Variants in MEX3C observed in about 807,000 individuals in gnomAD.
MEX3C encodes the protein mex-3 RNA binding family member C, also known as RNA-binding E3 ubiquitin-protein ligase MEX3C.
Under a neutral mutation model 35.5 loss-of-function variants are expected in MEX3C, and 15 were observed. That is an observed-to-expected ratio of 0.42 (90% CI 0.28 to 0.65). The LOEUF is 0.65. MEX3C is among the 30% of genes least tolerant of loss of function. MEX3C has a pLI of 0.20. For synonymous variants in MEX3C, 390 were observed against 352.8 expected (o/e 1.11, Z -1.18); for missense variants, 711 against 842.8 (o/e 0.84, Z 1.94).
rs1568231045 is a variant in MEX3C at position 51,176,703 on chromosome 18, CGAG to C, written c.1625_1627del (p.Pro542del). 2 of 1,613,966 alleles carry C rather than the reference CGAG, an allele frequency of 1.2e-6. No individual in the cohort carries two copies. Among genetic ancestry groups the C allele is most frequent in the East Asian group, 2.2e-5 (1 of 44,882 alleles). ...GCTCTCAGGAAATGTAGGAGACAGA[CGAG>C]GAGTAGATGGCTGACTTCCTCTGCG... On this transcript the variant is annotated inframe_deletion, in exon 2 of 2. Transcript: ENST00000406189.
intron 1 of MEX3C, among the ~76,000 whole-genome samples, chr18:51,189,375 G>A (rs1481693357): frequency 2.6e-5 from 4 of 152,134 alleles, no homozygotes; most frequent in Non-Finnish European, 2.9e-5. Flanking sequence ...GAGGAAAACC[G>A]AAGCCTAAAA....
intron 1 of MEX3C, among the ~76,000 whole-genome samples, chr18:51,183,377 G>T (rs907544791): frequency 6.6e-6 from 1 of 152,120 alleles, no homozygotes; most frequent in African/African-American, 2.4e-5. Flanking sequence ...ATAAAGAATT[G>T]AGTTAATATT....
intron 1 of MEX3C, among the ~76,000 whole-genome samples, chr18:51,184,053 T>C (rs1912483777): frequency 6.6e-6 from 1 of 152,026 alleles, no homozygotes; most frequent in Admixed American, 6.6e-5. Flanking sequence ...GTCAGAGAGA[T>C]GTGCTCTGGC....
intron 1 of MEX3C, among the ~76,000 whole-genome samples, chr18:51,187,823 C>T (rs901268560): frequency 6.6e-6 from 1 of 152,144 alleles, no homozygotes; most frequent in Non-Finnish European, 1.5e-5. Context: ...GGTCCCTTTC[C>T]CCTTGGAATA....
intron 1 of MEX3C, among the ~76,000 whole-genome samples, chr18:51,178,860 C>CAAA (rs200287690): frequency 0.019 from 2,162 of 111,472 alleles, 51 homozygotes; most frequent in African/African-American, 0.066. Flanking sequence ...AACTCCATCT[C>CAAA]AAAAAAAAAA....
Position 51,175,646 on chromosome 18 carries a change from T to A in MEX3C, c.*705A>T, listed in dbSNP as rs1228609115. 6.6e-6 allele frequency: 1 copy of A among 152,610 alleles called. No homozygotes were observed. Among genetic ancestry groups the A allele is most frequent in the East Asian group, 1.9e-4 (1 of 5,190 alleles). The allele number at this position is 152,610 out of a possible 1,614,324, so 9.5% of individuals were successfully genotyped here. On this transcript the variant is annotated 3_prime_UTR_variant, in exon 2 of 2. Coordinates refer to ENST00000406189, the MANE Select transcript of MEX3C (RefSeq NM_016626.5). ...TGATATGGGAAAACCCAGGTGGCCATTTCCACATTCACCAAGAGAGGCAAT... is the reference window on the plus strand; with the variant it reads ...TGATATGGGAAAACCCAGGTGGCCAATTCCACATTCACCAAGAGAGGCAAT...
chr18:51,183,810 T>C (rs573254992), intron 1 of MEX3C, among the ~76,000 whole-genome samples: 1 of 152,150 alleles, frequency 6.6e-6, no homozygotes, highest in African/African-American at 2.4e-5. Flanking sequence ...GGACGCTGTT[T>C]CTACAAAAAA....
At chr18:51,184,494 G>A (rs1301394599) in intron 1 of MEX3C, among the ~76,000 whole-genome samples, 3 of 152,154 alleles carry the variant, frequency 2.0e-5, no homozygotes, top group Non-Finnish European at 4.4e-5. Flanking sequence ...AGACTAAAAT[G>A]TTAGATATAT....
intron 1 of MEX3C, among the ~76,000 whole-genome samples, chr18:51,179,440 G>C (rs1021985033): frequency 6.6e-6 from 1 of 152,132 alleles, no homozygotes; most frequent in African/African-American, 2.4e-5. Flanking sequence ...AAACACATGG[G>C]ACCAGGAATG....
At chr18:51,196,251 T>C (rs1912783643) in intron 1 of MEX3C, 3 of 456,494 alleles carry the variant, frequency 6.6e-6, no homozygotes, top group Non-Finnish European at 1.1e-5. Flanking sequence ...GCCCGACCTT[T>C]TACCACCTCA....
chr18:51,176,327 T>A lies in MEX3C; in HGVS notation c.*24A>T. 6.4e-7 allele frequency: 1 copy of A among 1,564,678 alleles called. No homozygotes were observed. The highest frequency in any genetic ancestry group is 8.7e-7 in the Non-Finnish European group (1 of 1,154,548). On this transcript the variant is annotated 3_prime_UTR_variant, in exon 2 of 2. Transcript: ENST00000406189. ...GCCTTTACGAGTCCATATAGAGATA[T>A]AGTATTTATGTATATATATATAGTT...
chr18:51,180,758 C>T (rs537016732), intron 1 of MEX3C, among the ~76,000 whole-genome samples: 7 of 152,324 alleles, frequency 4.6e-5, no homozygotes, highest in East Asian at 1.9e-4. Flanking sequence ...GCTGGGATTA[C>T]GGGCGTGAGC....
intron 1 of MEX3C, chr18:51,193,665 T>C (rs1234650593): frequency 6.6e-6 from 1 of 152,250 alleles, no homozygotes; most frequent in Non-Finnish European, 1.5e-5. Flanking sequence ...TTTTACAGTA[T>C]TGTTGTTTCA....
Position 51,176,144 on chromosome 18 carries a change from A to T in MEX3C, c.*207T>A, listed in dbSNP as rs1912296267. 1.2e-5 allele frequency: 6 copies of T among 520,144 alleles called. No individual in the cohort carries two copies. In the South Asian group the frequency reaches 1.9e-4, roughly 17 times the overall value. The allele number at this position is 520,144 out of a possible 1,614,324, so 32.2% of individuals were successfully genotyped here. On this transcript the variant is annotated 3_prime_UTR_variant, in exon 2 of 2. Transcript: ENST00000406189. ...CTGGGTCTACAGGATAGTACTAATA[A>T]TTCAAACCAAACTAATAGACAAGAG...
intron 1 of MEX3C, chr18:51,195,452 C>A (rs148256875): frequency 2.6e-5 from 4 of 152,224 alleles, no homozygotes; most frequent in African/African-American, 9.6e-5. Flanking sequence ...GTGAAACCAC[C>A]ATTTCGACAG....
intron 1 of MEX3C, among the ~76,000 whole-genome samples, chr18:51,185,892 C>CG (rs1555693775): frequency 2.1e-4 from 31 of 149,638 alleles, no homozygotes; most frequent in Admixed American, 8.7e-4. Flanking sequence ...AGACCCCCCC[C>CG]TCTCTATAAT....
At chr18:51,186,873 G>A (rs1912551243) in intron 1 of MEX3C, among the ~76,000 whole-genome samples, 1 of 152,094 alleles carries the variant, frequency 6.6e-6, no homozygotes, top group Non-Finnish European at 1.5e-5. Flanking sequence ...ACAAATACAA[G>A]GTGACTAAAG....
rs1442790913 is a variant in MEX3C at position 51,175,599 on chromosome 18, G to C, written c.*752C>G. The stretch of plus-strand genomic sequence containing the variant: ...GCATCCTCAATTATCAGCCAATATA[G>C]GTGCCATCCCAAAGCCCTTCCTGAT... On this transcript the variant is annotated 3_prime_UTR_variant, in exon 2 of 2. Transcript: ENST00000406189. 6.6e-6 allele frequency: 1 copy of C among 152,542 alleles called. No individual in the cohort carries two copies. Among genetic ancestry groups the C allele is most frequent in the African/African-American group, 2.4e-5 (1 of 41,412 alleles). The allele number at this position is 152,542 out of a possible 1,614,324, so 9.4% of individuals were successfully genotyped here.
chr18:51,180,155 A>C (rs1039660313), intron 1 of MEX3C, among the ~76,000 whole-genome samples: 1 of 152,238 alleles, frequency 6.6e-6, no homozygotes, highest in African/African-American at 2.4e-5. Flanking sequence ...AAAATCCCTT[A>C]ATCAAATACT....
Sources: allele counts gnomAD v4.1 joint callset (sites outside exome capture counted in the v4.1 genomes callset), GRCh38; gene constraint gnomAD v4.1.1; transcripts MANE v1.5; gene names NCBI Gene and HGNC (gene_info 2026-07-23, HGNC 2026-07-21).